Variants in PRKD1 observed in about 807,000 individuals in gnomAD.
The protein encoded by PRKD1 is protein kinase D1, also known as serine/threonine-protein kinase D1.
PRKD1 carries 63 observed loss-of-function variants against 95.9 expected under a neutral mutation model. The ratio of observed to expected loss-of-function variants is 0.66; its 90% confidence interval spans 0.54 to 0.81. PRKD1 has a LOEUF of 0.81. PRKD1 is among the 30% of genes least tolerant of loss of function. The pLI is 0.00. For missense variants in PRKD1, 1,048 were observed against 1,165.3 expected (o/e 0.90, Z 1.47); for synonymous variants, 425 against 423.1 (o/e 1.00, Z -0.05).
At chr14:29,600,393 C>G (rs1893473202) in intron 13 of PRKD1, among the ~76,000 whole-genome samples, 2 of 152,128 alleles carry the variant, frequency 1.3e-5, no homozygotes, top group African/African-American at 4.8e-5. Context: ...ACAATACCAT[C>G]CTACCTGCTT....
intron 2 of PRKD1, among the ~76,000 whole-genome samples, chr14:29,723,410 A>C (rs559312553): frequency 1.1e-4 from 16 of 152,218 alleles, no homozygotes; most frequent in African/African-American, 3.6e-4. Flanking sequence ...AGACATAAAG[A>C]CCGGGAAAAA....
chr14:29,826,804 C>CATGT (rs1891188464), intron 1 of PRKD1, among the ~76,000 whole-genome samples: 1 of 33,504 alleles, frequency 3.0e-5, no homozygotes. Context: ...TATATATACA[C>CATGT]ATATATATAC....
chr14:29,598,271 CTAAAATAAAATAAAATAAAA>C lies in PRKD1; in HGVS notation c.2167-533_2167-514del, dbSNP rs199974379. Among the ~76,000 whole-genome samples the C allele has an allele frequency of 5.6e-3, 740 of 131,510 alleles. 11 individuals carry two copies. The highest frequency in any genetic ancestry group is 0.018 in the African/African-American group (668 of 36,376). 86.3% of individuals were successfully genotyped at this position (131,510 alleles called of 152,430 possible). ...AGCCTGGGGCAACAGAGTGCTCTGT[CTAAAATAAAATAAAATAAAA>C]TAAAATAAAATAAAATAAAATAAAA... On this transcript the variant is annotated intron_variant, in intron 15 of 17. Coordinates refer to ENST00000331968, the MANE Select transcript of PRKD1 (RefSeq NM_002742.3).
intron 1 of PRKD1, among the ~76,000 whole-genome samples, chr14:29,901,494 T>C (rs1894316280): frequency 6.6e-6 from 1 of 152,206 alleles, no homozygotes; most frequent in Non-Finnish European, 1.5e-5. Context: ...ACTATTACTT[T>C]ATCAATAGTA....
rs547730894 is a variant in PRKD1 at position 29,875,506 on chromosome 14, T to C, written c.264+51743A>G. Among the ~76,000 whole-genome samples the C allele has an allele frequency of 2.6e-5, 4 of 152,350 alleles. No individual in the cohort carries two copies. In the South Asian group the frequency reaches 8.3e-4, roughly 32 times the overall value. ...TGTTTTCCTTTTCTCATTTCTGTTA[T>C]TGTTGGCATAATATTGTTTGTGCTA... On this transcript the variant is annotated intron_variant, in intron 1 of 17. Transcript: ENST00000331968.
At chr14:29,723,240 A>G (rs912222914) in intron 2 of PRKD1, among the ~76,000 whole-genome samples, 3 of 152,246 alleles carry the variant, frequency 2.0e-5, no homozygotes, top group African/African-American at 7.2e-5. Flanking sequence ...AAGGAAAATA[A>G]ATCACTTCAC....
intron 13 of PRKD1, among the ~76,000 whole-genome samples, chr14:29,605,645 A>G (rs2139031742): frequency 6.6e-6 from 1 of 152,300 alleles, no homozygotes; most frequent in South Asian, 2.1e-4. Flanking sequence ...CTTATTTACA[A>G]GGCTACAAGC....
Position 29,910,442 on chromosome 14 carries a change from T to C in PRKD1, c.264+16807A>G, listed in dbSNP as rs562913628. 9.2e-5 allele frequency among the ~76,000 whole-genome samples: 14 copies of C among 152,276 alleles called. No individual in the cohort carries two copies. In the East Asian group the frequency reaches 2.7e-3, roughly 29 times the overall value. The stretch of plus-strand genomic sequence containing the variant: ...AACGCGAGGGTCCGTGGCTTCATTG[T>C]TGAAGTCAGCGAGGCCAAGAACCCA... On this transcript the variant is annotated intron_variant, in intron 1 of 17. Coordinates refer to ENST00000331968, the MANE Select transcript of PRKD1 (RefSeq NM_002742.3).
At chr14:29,849,099 A>C (rs1892195039) in intron 1 of PRKD1, among the ~76,000 whole-genome samples, 1 of 152,190 alleles carries the variant, frequency 6.6e-6, no homozygotes, top group Non-Finnish European at 1.5e-5. Flanking sequence ...TATAATTCCC[A>C]GTGTTGAATG....
chr14:29,593,995 T>G (rs1242217521), intron 16 of PRKD1: 2 of 340,252 alleles, frequency 5.9e-6, no homozygotes, highest in Non-Finnish European at 1.1e-5. Flanking sequence ...GGAGACAAAT[T>G]ATAAATGATT....
At chr14:29,921,894 A>G (rs1895124106) in intron 1 of PRKD1, among the ~76,000 whole-genome samples, 1 of 152,198 alleles carries the variant, frequency 6.6e-6, no homozygotes, top group Non-Finnish European at 1.5e-5. Flanking sequence ...TTATCAAATG[A>G]GCCAATCATC....
chr14:29,769,146 T>C (rs939641363), intron 1 of PRKD1, among the ~76,000 whole-genome samples: 2 of 152,192 alleles, frequency 1.3e-5, no homozygotes, highest in Non-Finnish European at 2.9e-5. Flanking sequence ...ATACAGGTCA[T>C]GGGAGATTCA....
intron 1 of PRKD1, among the ~76,000 whole-genome samples, chr14:29,810,716 G>C (rs1159209866): frequency 6.6e-6 from 1 of 152,178 alleles, no homozygotes; most frequent in Non-Finnish European, 1.5e-5. Context: ...CTTCCAGGTG[G>C]CAGGCACCTG....
chr14:29,770,930 C>CAAAAAAAAA (rs753745571), intron 1 of PRKD1, among the ~76,000 whole-genome samples: 2 of 47,144 alleles, frequency 4.2e-5, no homozygotes, highest in Non-Finnish European at 1.1e-4. Context: ...AGACACTGTC[C>CAAAAAAAAA]AAAAAAAAAA....
intron 2 of PRKD1, among the ~76,000 whole-genome samples, chr14:29,708,409 G>A (rs999170691): frequency 3.3e-5 from 5 of 152,190 alleles, no homozygotes; most frequent in Non-Finnish European, 7.3e-5. Flanking sequence ...GGTATTAAGT[G>A]CATAAGCATC....
chr14:29,788,906 A>G (rs913979251), intron 1 of PRKD1, among the ~76,000 whole-genome samples: 3 of 150,606 alleles, frequency 2.0e-5, no homozygotes, highest in African/African-American at 7.3e-5. Context: ...TTTATTTTTG[A>G]GACAAGATCT....
At chr14:29,836,203 T>G (rs568257817) in intron 1 of PRKD1, among the ~76,000 whole-genome samples, 1 of 152,182 alleles carries the variant, frequency 6.6e-6, no homozygotes, top group Non-Finnish European at 1.5e-5. Flanking sequence ...ACAAACACGT[T>G]TGGAAAGCAA....
chr14:29,834,350 A>C (rs1427164063), intron 1 of PRKD1, among the ~76,000 whole-genome samples: 1 of 152,088 alleles, frequency 6.6e-6, no homozygotes, highest in African/African-American at 2.4e-5. Context: ...CATTTGTTTG[A>C]AACAGAGGCC....
chr14:29,911,073 G>T (rs1292006370), intron 1 of PRKD1, among the ~76,000 whole-genome samples: 1 of 152,098 alleles, frequency 6.6e-6, no homozygotes, highest in Non-Finnish European at 1.5e-5. Flanking sequence ...ATATGATTAA[G>T]TAATTAATTT....
Sources: allele counts gnomAD v4.1 joint callset (sites outside exome capture counted in the v4.1 genomes callset), GRCh38; gene constraint gnomAD v4.1.1; transcripts MANE v1.5; gene names NCBI Gene and HGNC (gene_info 2026-07-23, HGNC 2026-07-21).